Variants in SHISA5 observed in about 807,000 individuals in gnomAD.
SHISA5 encodes the protein protein shisa-5.
A neutral mutation model predicts 27.5 loss-of-function variants in SHISA5; 21 were observed. The ratio of observed to expected loss-of-function variants is 0.76; its 90% CI spans 0.54 to 1.10. SHISA5 has a LOEUF of 1.10. Ranked by LOEUF, SHISA5 falls within the 50% of genes least tolerant of loss-of-function variation. SHISA5 has a pLI of 0.00. For missense variants in SHISA5, 314 were observed against 336.3 expected, an observed-to-expected ratio of 0.93 and a Z score of 0.52; for synonymous variants, 137 against 142.2, an observed-to-expected ratio of 0.96 and a Z score of 0.26.
intron 2 of SHISA5, among the ~76,000 whole-genome samples, chr3:48,497,222 A>G (rs1299256584): frequency 1.4e-5 from 2 of 147,904 alleles, no homozygotes; most frequent in Admixed American, 1.3e-4. Context: ...CTGTCTTGCT[A>G]CTTCTTGTGG....
chr3:48,477,059 G>A (rs954385840), intron 3 of SHISA5: 11 of 447,742 alleles, frequency 2.5e-5, no homozygotes, highest in Admixed American at 1.2e-4. Flanking sequence ...AGCTTGTTCC[G>A]CACTGTCTCC....
chr3:48,477,037 T>C, intron 3 of SHISA5: 3 of 450,782 alleles, frequency 6.7e-6, no homozygotes, highest in South Asian at 1.6e-5. Flanking sequence ...CCTCCTCCTA[T>C]GCCCCTCTGG....
At chr3:48,478,203 A>C (rs954593205) in intron 3 of SHISA5, among the ~76,000 whole-genome samples, 2 of 152,106 alleles carry the variant, frequency 1.3e-5, no homozygotes, top group African/African-American at 4.8e-5. Flanking sequence ...GCCTGTAGAG[A>C]TCTCAGGCTC....
At chr3:48,503,243 CT>C (rs1443025971) in intron 1 of SHISA5, 1 of 1,161,708 alleles carries the variant, frequency 8.6e-7, no homozygotes, top group Non-Finnish European at 1.1e-6. Context: ...GGCACAAATG[CT>C]CTCTGACCCC....
intron 3 of SHISA5, among the ~76,000 whole-genome samples, chr3:48,472,332 CA>C (rs201417269): frequency 0.04 from 5,774 of 143,670 alleles, 339 homozygotes; most frequent in African/African-American, 0.13. Flanking sequence ...TACTAAAATA[CA>C]AAAAAAAAAA....
Position 48,470,314 on chromosome 3 carries a change from TGA to T in SHISA5, c.315-473_315-472del, listed in dbSNP as rs1560118265. Among the ~76,000 whole-genome samples, 1 of 152,180 alleles carries T rather than the reference TGA, an allele frequency of 6.6e-6. No individual in the cohort carries two copies. Among genetic ancestry groups the T allele is most frequent in the Non-Finnish European group, 1.5e-5 (1 of 68,016 alleles). ...GGCTCACAAAGCACAGGGTGAAGAC[TGA>T]GAGAAGCCCCAGGAGGGCAGAGGCC... On this transcript the variant is annotated intron_variant, in intron 3 of 5. Transcript: ENST00000296444. The surrounding 1 kb of genome is among the most constrained non-coding windows in gnomAD (Gnocchi z 4.3).
chr3:48,493,353 C>T (rs1286048177), intron 2 of SHISA5, among the ~76,000 whole-genome samples: 1 of 146,390 alleles, frequency 6.8e-6, no homozygotes, highest in Non-Finnish European at 1.5e-5. Context: ...TGGCTTGAGC[C>T]CAGGAGGTAG....
intron 2 of SHISA5, among the ~76,000 whole-genome samples, chr3:48,497,595 TA>T (rs929325240): frequency 1.3e-5 from 2 of 149,796 alleles, no homozygotes; most frequent in Non-Finnish European, 1.5e-5. Context: ...ATCGGAGGGT[TA>T]AAAAAAAAGA....
chr3:48,504,012 G>A lies in SHISA5; in HGVS notation c.76+7C>T, dbSNP rs553727585. The A allele has an allele frequency of 2.0e-6, 3 of 1,467,750 alleles. No individual in the cohort carries two copies. The East Asian group carries it at 9.0e-5, about 44-fold the overall frequency. 90.9% of individuals were successfully genotyped at this position (1,467,750 alleles called of 1,614,324 possible). ...GGCAGGACGGGCCGCCCCCACCCCCGGCTCACCACCCGGAGGCGGCGTTAG... is the reference window on the plus strand; with the variant it reads ...GGCAGGACGGGCCGCCCCCACCCCCAGCTCACCACCCGGAGGCGGCGTTAG... On this transcript the variant is annotated splice_region_variant and intron_variant, in intron 1 of 5. Transcript: ENST00000296444. The surrounding 1 kb of genome is among the most constrained non-coding windows in gnomAD (Gnocchi z 4.0).
chr3:48,489,195 ATTT>A (rs11293006), intron 2 of SHISA5, among the ~76,000 whole-genome samples: 28 of 130,018 alleles, frequency 2.2e-4, no homozygotes, highest in African/African-American at 2.5e-4. Context: ...ACATTATGAG[ATTT>A]TTTTTTTTTT....
rs1044652663 is a variant in SHISA5, at chr3:48,468,483, G to A, written c.*624C>T. The stretch of plus-strand genomic sequence containing the variant: ...GTAGGGCTCTGCCTGAGGTGTTCTG[G>A]CATCAGGAGGCTGCCTGATCCCCAA... On this transcript the variant is annotated 3_prime_UTR_variant, in exon 6 of 6. Transcript: ENST00000296444. 6.8e-6 allele frequency: 8 copies of A among 1,180,850 alleles called. No homozygotes were observed. The African/African-American group carries it at 1.3e-4, about 19-fold the overall frequency. 73.1% of individuals were successfully genotyped at this position (1,180,850 alleles called of 1,614,324 possible). A position where few individuals can be genotyped will look rare whatever the true frequency, so the allele number is the denominator to read the frequency against.
At chr3:48,485,563 A>T (rs1035917758) in intron 2 of SHISA5, among the ~76,000 whole-genome samples, 3 of 144,634 alleles carry the variant, frequency 2.1e-5, no homozygotes, top group Non-Finnish European at 3.0e-5. Context: ...TATATTATAT[A>T]TAATATATAT....
intron 2 of SHISA5, among the ~76,000 whole-genome samples, chr3:48,492,397 G>A (rs2041462947): frequency 1.3e-5 from 2 of 148,762 alleles, no homozygotes; most frequent in Admixed American, 1.3e-4. Flanking sequence ...GTGAACCCGG[G>A]AGGCGGAGCT....
At chr3:48,485,579 A>G (rs2041185700) in intron 2 of SHISA5, among the ~76,000 whole-genome samples, 2 of 144,616 alleles carry the variant, frequency 1.4e-5, no homozygotes, top group Admixed American at 7.1e-5. Flanking sequence ...TATATTCTAT[A>G]TTTAATATAA....
In SHISA5 at chr3:48,502,875, T is replaced by C. The variant is rs114710756; in HGVS notation, c.76+1144A>G. ...CAGGCACCTGGCCATGTGCAGCATC[T>C]GGTGCCCGGGCCTGATCAGGACACC... On this transcript the variant is annotated intron_variant, in intron 1 of 5. Coordinates refer to ENST00000296444, the MANE Select transcript of SHISA5 (RefSeq NM_016479.6). Among the ~76,000 whole-genome samples the C allele has an allele frequency of 9.9e-3, 1,512 of 152,324 alleles. 15 individuals carry two copies. Among genetic ancestry groups the C allele is most frequent in the African/African-American group, 0.034 (1,432 of 41,584 alleles).
intron 2 of SHISA5, among the ~76,000 whole-genome samples, chr3:48,484,161 T>C (rs181989486): frequency 5.9e-5 from 9 of 152,378 alleles, no homozygotes; most frequent in Admixed American, 4.6e-4. Flanking sequence ...CATTGAGTTA[T>C]ATTGTTCTCT....
At chr3:48,497,515 C>A (rs1457219327) in intron 2 of SHISA5, among the ~76,000 whole-genome samples, 1 of 151,504 alleles carries the variant, frequency 6.6e-6, no homozygotes, top group African/African-American at 2.4e-5. Context: ...CCCGCCTCAG[C>A]CTCCCAAAGT....
intron 2 of SHISA5, among the ~76,000 whole-genome samples, chr3:48,487,176 GC>G (rs2041278497): frequency 6.6e-6 from 1 of 151,882 alleles, no homozygotes. Context: ...AGATGCGCCT[GC>G]CAAGAGTTTT....
In SHISA5 at chr3:48,489,475, A is replaced by T. The variant is rs576574429; in HGVS notation, c.234-10218T>A. On this transcript the variant is annotated intron_variant, in intron 2 of 5. Coordinates refer to ENST00000296444, the MANE Select transcript of SHISA5 (RefSeq NM_016479.6). ...GCTGGCACTACAGGCGCCCGCCACC[A>T]TGCCTGGCTAACTTTTTCTATTTTG... Among the ~76,000 whole-genome samples, 11 of 151,518 alleles carry T rather than the reference A, an allele frequency of 7.3e-5. No homozygotes were observed. The South Asian group carries it at 2.3e-3, about 32-fold the overall frequency.
Sources: allele counts gnomAD v4.1 joint callset (sites outside exome capture counted in the v4.1 genomes callset), GRCh38; gene constraint gnomAD v4.1.1; non-coding constraint Gnocchi (gnomAD v3.1); transcripts MANE v1.5; gene names NCBI Gene and HGNC (gene_info 2026-07-23, HGNC 2026-07-21).